DENND2B: variants seen among roughly 807,000 people sequenced by gnomAD.
The protein encoded by DENND2B is DENN domain containing 2B.
A neutral mutation model predicts 116.0 loss-of-function variants in DENND2B; 32 were observed. The observed-to-expected ratio is 0.28, with a 90% CI of 0.21 to 0.37. DENND2B has a LOEUF of 0.37. DENND2B is among the 10% of genes least tolerant of loss of function. The pLI, the probability that DENND2B is intolerant of heterozygous loss-of-function variation, is 1.00. For synonymous variants in DENND2B, 588 were observed against 583.9 expected (o/e 1.01, Z -0.10); for missense variants, 1,276 against 1,477.7 (o/e 0.86, Z 2.24).
chr11:8,807,244 G>A (rs1280009838), intron 1 of DENND2B, among the ~76,000 whole-genome samples: 1 of 152,252 alleles, frequency 6.6e-6, no homozygotes, highest in Non-Finnish European at 1.5e-5. Context: ...GTGACAGGAA[G>A]GAAGATGTAT....
At chr11:8,731,328 A>C in intron 2 of DENND2B, 119 bp from the exon 3 acceptor site, 1 of 982,498 alleles carries the variant, frequency 1.0e-6, no homozygotes, top group Non-Finnish European at 1.5e-6. Context: ...GGACTCTCAA[A>C]GAGTATTCTA....
intron 4 of DENND2B, among the ~76,000 whole-genome samples, chr11:8,721,590 G>A (rs1436863245): frequency 6.6e-6 from 1 of 152,186 alleles, no homozygotes; most frequent in Non-Finnish European, 1.5e-5. Flanking sequence ...GCCAGGATAA[G>A]AGCCCAACTC....
intron 1 of DENND2B, among the ~76,000 whole-genome samples, chr11:8,775,021 C>T (rs546781730): frequency 6.6e-6 from 1 of 152,126 alleles, no homozygotes; most frequent in East Asian, 1.9e-4. Flanking sequence ...GCCGGGATTA[C>T]AGGGGCCCAC....
chr11:8,835,030 G>A (rs1490112046), intron 4 of DENND2B, among the ~76,000 whole-genome samples: 1 of 152,126 alleles, frequency 6.6e-6, no homozygotes, highest in African/African-American at 2.4e-5. Flanking sequence ...CGGATCAATT[G>A]AGCCCAGGAA....
intron 3 of DENND2B, among the ~76,000 whole-genome samples, chr11:8,856,497 G>A (rs1161562717): frequency 1.3e-5 from 2 of 152,176 alleles, no homozygotes; most frequent in East Asian, 3.9e-4. Flanking sequence ...TGGACTACCT[G>A]AATGGGCCTA....
In DENND2B at chr11:8,763,817, C is replaced by T. The variant is rs531667525; in HGVS notation, c.-25-13092G>A. Among the ~76,000 whole-genome samples, 165 of 152,070 alleles carry T rather than the reference C, an allele frequency of 1.1e-3. 1 individual carries two copies. Among genetic ancestry groups the T allele is most frequent in the African/African-American group, 3.8e-3 (156 of 41,482 alleles). On this transcript the variant is annotated intron_variant, in intron 1 of 19. Coordinates refer to ENST00000313726, the MANE Select transcript of DENND2B (RefSeq NM_213618.2). ...TTGTAAAAATTTGTTGACTTGGATA[C>T]ATATATACATTCATGTTGTATGATA... is the stretch of plus-strand genomic sequence containing the variant.
At chr11:8,863,862 A>G (rs1173601615) in intron 2 of DENND2B, among the ~76,000 whole-genome samples, 1 of 152,060 alleles carries the variant, frequency 6.6e-6, no homozygotes, top group Non-Finnish European at 1.5e-5. Context: ...GAGAATTTCC[A>G]TTCCCCTGGG....
At chr11:8,740,638 T>G (rs2050026172) in intron 2 of DENND2B, among the ~76,000 whole-genome samples, 1 of 152,158 alleles carries the variant, frequency 6.6e-6, no homozygotes, top group South Asian at 2.1e-4. Flanking sequence ...ATGAGTGCCA[T>G]GAAGTGAGCC....
At chr11:8,844,155 T>C (rs1319025860) in intron 3 of DENND2B, among the ~76,000 whole-genome samples, 1 of 152,130 alleles carries the variant, frequency 6.6e-6, no homozygotes, top group Admixed American at 6.6e-5. Context: ...ATCCCAGCAC[T>C]TGAGGAGGCT....
chr11:8,825,792 T>C (rs766647341), intron 4 of DENND2B, among the ~76,000 whole-genome samples: 5 of 152,126 alleles, frequency 3.3e-5, no homozygotes, highest in Admixed American at 6.5e-5. Flanking sequence ...TGGTTATTAG[T>C]GAAAAAGACC....
intron 1 of DENND2B, among the ~76,000 whole-genome samples, chr11:8,765,739 T>A (rs905699777): frequency 6.6e-6 from 1 of 152,202 alleles, no homozygotes; most frequent in African/African-American, 2.4e-5. Context: ...AATACTCAAT[T>A]GTTTAAACCT....
intron 2 of DENND2B, among the ~76,000 whole-genome samples, chr11:8,865,105 A>C (rs942951949): frequency 6.2e-5 from 8 of 130,000 alleles, no homozygotes; most frequent in Non-Finnish European, 1.4e-4. Context: ...CAAAGGGTTA[A>C]GCAGATTATT....
At chr11:8,711,968 C>A (rs1420370286) in intron 9 of DENND2B, 1 of 455,890 alleles carries the variant, frequency 2.2e-6, no homozygotes, top group East Asian at 6.9e-5. Flanking sequence ...GAAAGAGGTC[C>A]TACTTGAGCA....
chr11:8,708,074 C>T, intron 11 of DENND2B: 1 of 1,471,578 alleles, frequency 6.8e-7, no homozygotes, highest in Non-Finnish European at 9.0e-7. Flanking sequence ...GCACCAGGTA[C>T]CAGGCTCCTG....
In DENND2B at chr11:8,833,820, G is replaced by C. The variant is rs186462410; in HGVS notation, c.-115+5490C>G. ...AACATGTCTGTCTCCCAGCCCCTAGGATTTCACCCATCCTTACCTCAAAAT... is the reference window on the plus strand; with the variant it reads ...AACATGTCTGTCTCCCAGCCCCTAGCATTTCACCCATCCTTACCTCAAAAT... On this transcript the variant is annotated intron_variant, in intron 4 of 6. Coordinates refer to the DENND2B transcript ENST00000524757. Among the ~76,000 whole-genome samples, 28 of 152,194 alleles carry C rather than the reference G, an allele frequency of 1.8e-4. No individual in the cohort carries two copies. The East Asian group carries it at 5.4e-3, about 29-fold the overall frequency.
upstream of DENND2B, chr11:8,811,000 G>C (rs2061347168): frequency 3.3e-6 from 1 of 307,528 alleles, no homozygotes. Context: ...AAGACAGTGA[G>C]TGGACTTGTT....
intron 7 of DENND2B, 111 bp downstream of exon 7, chr11:8,714,499 C>T (rs931757): frequency 0.99 from 871,479 of 876,598 alleles, 433,340 homozygotes; most frequent in East Asian, 1. Flanking sequence ...CTCCCTCCTA[C>T]GTGGCCATTT....
intron 4 of DENND2B, chr11:8,719,183 G>A: frequency 1.0e-6 from 1 of 985,594 alleles, no homozygotes; most frequent in Non-Finnish European, 1.2e-6. Flanking sequence ...TGCTGAGAGT[G>A]AAGCTTTCCT....
chr11:8,866,195 G>A, intron 2 of DENND2B, among the ~76,000 whole-genome samples: 1 of 152,158 alleles, frequency 6.6e-6, no homozygotes, highest in South Asian at 2.1e-4. Context: ...TCCTGACCTT[G>A]TGATCCGCCT....
Sources: allele counts gnomAD v4.1 joint callset (sites outside exome capture counted in the v4.1 genomes callset), GRCh38; gene constraint gnomAD v4.1.1; transcripts MANE v1.5; gene names NCBI Gene and HGNC (gene_info 2026-07-23, HGNC 2026-07-21).